Variants in EBF3 observed in about 807,000 individuals in gnomAD.
EBF3 encodes EBF transcription factor 3, also known as transcription factor COE3.
Under a neutral mutation model 77.1 loss-of-function variants are expected in EBF3, and 18 were observed. The ratio of observed to expected loss-of-function variants is 0.23; its 90% CI spans 0.16 to 0.35. The LOEUF (loss-of-function observed/expected upper bound fraction) is 0.35, where lower values mean the gene tolerates loss of function less well. EBF3 is among the 10% of genes least tolerant of loss of function. The pLI, the probability that EBF3 is intolerant of heterozygous loss-of-function variation, is 1.00. For synonymous variants in EBF3, 350 were observed against 343.5 expected (o/e 1.02, Z -0.21); for missense variants, 558 against 860.0 (o/e 0.65, Z 4.39).
At chr10:129,866,811 T>A (rs1852048098) in intron 10 of EBF3, among the ~76,000 whole-genome samples, 1 of 152,188 alleles carries the variant, frequency 6.6e-6, no homozygotes, top group Non-Finnish European at 1.5e-5. Context: ...GAGCCAGGCA[T>A]GTGGGCAGCT....
chr10:129,953,736 C>A (rs561903992), intron 6 of EBF3, among the ~76,000 whole-genome samples: 2 of 152,308 alleles, frequency 1.3e-5, no homozygotes, highest in South Asian at 4.1e-4. Flanking sequence ...AACAGTTGGA[C>A]CTTGCACCTT....
At chr10:129,906,772 G>A (rs964269725) in intron 6 of EBF3, among the ~76,000 whole-genome samples, 1 of 151,096 alleles carries the variant, frequency 6.6e-6, no homozygotes, top group Non-Finnish European at 1.5e-5. Flanking sequence ...TTTCGATTCT[G>A]TCAAAATGTC....
intron 11 of EBF3, chr10:129,845,627 G>A (rs1209533987): frequency 1.3e-5 from 2 of 152,088 alleles, no homozygotes; most frequent in African/African-American, 2.4e-5. Context: ...TCTTGCCTGG[G>A]GTTATGAATA....
chr10:129,955,254 A>C (rs905109641), intron 6 of EBF3, among the ~76,000 whole-genome samples: 3 of 152,234 alleles, frequency 2.0e-5, no homozygotes, highest in Non-Finnish European at 4.4e-5. Flanking sequence ...AATCCCTAAA[A>C]TAGACGGTGA....
chr10:129,909,248 T>G (rs552038748), intron 6 of EBF3, among the ~76,000 whole-genome samples: 2 of 152,258 alleles, frequency 1.3e-5, no homozygotes, highest in East Asian at 3.9e-4. Flanking sequence ...TCTGCATGGG[T>G]CTCTCTTGCA....
intron 6 of EBF3, among the ~76,000 whole-genome samples, chr10:129,917,360 C>T (rs1275844085): frequency 6.6e-6 from 1 of 152,126 alleles, no homozygotes; most frequent in African/African-American, 2.4e-5. Context: ...CAGGGCGAGA[C>T]TCCGTCTCAA....
At chr10:129,844,586 G>C (rs1014119771) in intron 11 of EBF3, among the ~76,000 whole-genome samples, 6 of 152,142 alleles carry the variant, frequency 3.9e-5, no homozygotes, top group Admixed American at 3.9e-4. Flanking sequence ...CCAACATGCC[G>C]ACTCTGGACC....
intron 15 of EBF3, 73 bp downstream of exon 15, chr10:129,840,172 G>GC: frequency 2.1e-5 from 31 of 1,456,156 alleles, no homozygotes; most frequent in African/African-American, 2.9e-5. Flanking sequence ...GAAAGGCCGA[G>GC]CCCCCACCCC....
intron 6 of EBF3, among the ~76,000 whole-genome samples, chr10:129,930,365 A>T (rs1337575789): frequency 1.3e-5 from 2 of 151,762 alleles, no homozygotes; most frequent in African/African-American, 4.8e-5. Context: ...CTATATTAAC[A>T]AATCCCCCTC....
Position 129,848,346 on chromosome 10 carries a change from G to T in EBF3, c.1128+46C>A. The stretch of plus-strand genomic sequence containing the variant: ...CTGCCCCCAAACCAGAACCAGCCCA[G>T]TGGCGGCCCCACCATGAGCGGGGTG... On this transcript the variant is annotated intron_variant, in intron 11 of 16. Transcript: ENST00000440978. The surrounding 1 kb of genome is among the most constrained non-coding windows in gnomAD (Gnocchi z 4.4). The T allele has an allele frequency of 6.3e-7, 1 of 1,586,972 alleles. No individual in the cohort carries two copies. Among genetic ancestry groups the T allele is most frequent in the South Asian group, 1.1e-5 (1 of 90,510 alleles).
At chr10:129,928,605 G>C (rs1401789186) in intron 6 of EBF3, among the ~76,000 whole-genome samples, 1 of 152,160 alleles carries the variant, frequency 6.6e-6, no homozygotes, top group Admixed American at 6.5e-5. Context: ...AGGTGCTTAG[G>C]AGATATTCCT....
intron 6 of EBF3, among the ~76,000 whole-genome samples, chr10:129,950,662 C>T (rs1858609485): frequency 6.6e-6 from 1 of 152,134 alleles, no homozygotes; most frequent in Non-Finnish European, 1.5e-5. Context: ...ACCCCTTAAC[C>T]CATGAAATTA....
At chr10:129,909,437 C>T (rs1245570933) in intron 6 of EBF3, among the ~76,000 whole-genome samples, 2 of 152,222 alleles carry the variant, frequency 1.3e-5, no homozygotes, top group East Asian at 3.8e-4. Flanking sequence ...AAGTAGATGG[C>T]CCTGGGAGGT....
intron 10 of EBF3, among the ~76,000 whole-genome samples, chr10:129,866,689 C>T (rs1481170344): frequency 2.6e-5 from 4 of 152,160 alleles, no homozygotes; most frequent in African/African-American, 7.2e-5. Context: ...GGGTGTGGCC[C>T]GGGCACTGAC....
chr10:129,891,695 C>A (rs1387663533), intron 6 of EBF3, among the ~76,000 whole-genome samples: 2 of 152,164 alleles, frequency 1.3e-5, no homozygotes, highest in African/African-American at 4.8e-5. Flanking sequence ...GGATCCGTGG[C>A]CCGGTGGTCT....
chr10:129,932,896 T>TG (rs1491259492), intron 6 of EBF3, among the ~76,000 whole-genome samples: 1 of 6,850 alleles, frequency 1.5e-4, no homozygotes, highest in Non-Finnish European at 2.7e-4. Context: ...TTTTTTTTCC[T>TG]TTTTTTTTTT....
At chr10:129,901,890 T>C (rs1169687476) in intron 6 of EBF3, among the ~76,000 whole-genome samples, 2 of 152,226 alleles carry the variant, frequency 1.3e-5, no homozygotes, top group African/African-American at 2.4e-5. Context: ...CTTCCCAACC[T>C]GTGTGGCCAG....
At chr10:129,941,994 GC>G (rs566291142) in intron 6 of EBF3, among the ~76,000 whole-genome samples, 52 of 152,116 alleles carry the variant, frequency 3.4e-4, no homozygotes, top group Admixed American at 1.5e-3. Flanking sequence ...TGGGAATGGA[GC>G]CCCCCCACCC....
intron 6 of EBF3, among the ~76,000 whole-genome samples, chr10:129,888,758 A>T (rs1853797958): frequency 6.6e-6 from 1 of 152,266 alleles, no homozygotes; most frequent in African/African-American, 2.4e-5. Context: ...TTCATGAAGA[A>T]CATTTGGCAA....
Sources: gnomAD v4.1 joint callset for allele counts (sites outside exome capture counted in the v4.1 genomes callset) on GRCh38, gnomAD v4.1.1 for gene constraint, Gnocchi (gnomAD v3.1) non-coding constraint, MANE v1.5 for transcripts, NCBI Gene and HGNC (gene_info 2026-07-23, HGNC 2026-07-21) for gene names.